The following TTLL1 variants were observed in gnomAD, a reference collection of about 807,000 sequenced individuals.
The protein encoded by TTLL1 is TTL family tubulin polyglutamylase complex subunit L1.
TTLL1 carries 33 observed loss-of-function variants against 47.8 expected under a neutral mutation model. The observed-to-expected ratio is 0.69, with a 90% CI of 0.52 to 0.92. The LOEUF is 0.92. Among genes scored for constraint, TTLL1 ranks in the 40% least tolerant of loss-of-function variants. The pLI is 0.00. For synonymous variants in TTLL1, 225 were observed against 214.1 expected (o/e 1.05, Z -0.45); for missense variants, 488 against 547.5 (o/e 0.89, Z 1.08).
Position 43,039,781 on chromosome 22 carries a change from T to C in TTLL1, c.1267A>G (p.Lys423Glu). The change falls in exon 11 of 11, where the codon AAG (lysine) becomes GAG (glutamate). Residue 423 changes from lysine (K) to glutamate (E), a missense_variant. Lys to Glu is a moderately conservative substitution (Grantham distance 56). Transcript: ENST00000266254. ...TGATAAGGTCCAGGTGGGACTCACTTCCAGGTGGTGAGGACCGCTCTCCCC... is the reference window on the plus strand; with the variant it reads ...TGATAAGGTCCAGGTGGGACTCACTCCCAGGTGGTGAGGACCGCTCTCCCC... ...DSGRAVLTTW[K>E] 6.2e-7 allele frequency: 1 copy of C among 1,610,918 alleles called. No individual in the cohort carries two copies. The highest frequency in any genetic ancestry group is 1.1e-5 in the South Asian group (1 of 90,906).
intron 10 of TTLL1, among the ~76,000 whole-genome samples, chr22:43,042,356 C>T (rs538319238): frequency 5.9e-5 from 9 of 152,344 alleles, no homozygotes; most frequent in Admixed American, 5.9e-4. Context: ...GTCTGGCCAC[C>T]TACCGAGCCA....
At chr22:43,081,515 C>T (rs2146993078) in intron 1 of TTLL1, among the ~76,000 whole-genome samples, 1 of 152,026 alleles carries the variant, frequency 6.6e-6, no homozygotes, top group South Asian at 2.1e-4. Context: ...CTCCAAAGAT[C>T]CCCACACACC....
Position 43,077,187 on chromosome 22 carries a change from G to A in TTLL1, c.-4-1597C>T, listed in dbSNP as rs1034866897. On this transcript the variant is annotated intron_variant, in intron 2 of 10. Transcript: ENST00000266254. ...AGGGCACTTAAACACACAGACCCCT[G>A]GCCCTCACCTGCTTCCCCAGGTACA... Among the ~76,000 whole-genome samples, 5 of 152,002 alleles carry A rather than the reference G, an allele frequency of 3.3e-5. 1 individual carries two copies. The highest frequency in any genetic ancestry group is 2.4e-5 in the African/African-American group (1 of 41,464).
chr22:43,078,299 C>T (rs1454840862), intron 2 of TTLL1, among the ~76,000 whole-genome samples: 3 of 151,476 alleles, frequency 2.0e-5, no homozygotes, highest in African/African-American at 7.3e-5. Context: ...AGTTCAAGAC[C>T]ACCCTGGCCA....
At chr22:43,086,302 C>A (rs1301223588) in intron 1 of TTLL1, among the ~76,000 whole-genome samples, 2 of 152,164 alleles carry the variant, frequency 1.3e-5, no homozygotes, top group Non-Finnish European at 1.5e-5. Flanking sequence ...ATGCAGCTCA[C>A]AATTGGAGTT....
intron 7 of TTLL1, among the ~76,000 whole-genome samples, chr22:43,063,238 GC>G: frequency 6.6e-6 from 1 of 152,066 alleles, no homozygotes; most frequent in Admixed American, 6.6e-5. Context: ...CTTGCCCGAG[GC>G]CACAGAACTA....
In TTLL1 at chr22:43,059,525, C is replaced by T. The variant is rs1132079; in HGVS notation, c.750G>A (p.Glu250=). Residue 250 remains glutamate (E), a splice_region_variant and synonymous_variant, in exon 8 of 11, where the codon GAG becomes GAA. Coordinates refer to ENST00000266254, the MANE Select transcript of TTLL1 (RefSeq NM_012263.5). ...TGCCCCCATGGATGTGGTTGTAGTC[C>T]TCCTGGTGACGGGAAAGCGGGCAGG... ...LTNVAIQKHG[E]DYNHIHGGKW... is the part of the protein sequence containing the mutation. 0.27 allele frequency: 431,515 copies of T among 1,611,020 alleles called. 61,703 individuals carry two copies. The highest frequency in any genetic ancestry group is 0.38 in the Middle Eastern group (2,283 of 6,054).
intron 4 of TTLL1, 45 bp from the exon 5 acceptor site, chr22:43,068,635 A>G: frequency 7.2e-7 from 1 of 1,383,114 alleles, no homozygotes. Flanking sequence ...CCAGCCCAAC[A>G]GTGGCCATGA....
intron 9 of TTLL1, 121 bp downstream of exon 9, chr22:43,051,680 T>A: frequency 1.1e-6 from 1 of 915,576 alleles, no homozygotes; most frequent in East Asian, 2.4e-5. Context: ...CGAACATCAG[T>A]CCCCTTCCTG....
At position 43,069,673 on chromosome 22, in the gene TTLL1, C is replaced by T. The variant is rs1268068147; in HGVS notation, c.285G>A (p.Leu95=). The part of the protein sequence containing the change: ...RKELEKEGSP[L]AEKDENGKYL... ...ATTTTCCATTTTCATCTTTTTCTGC[C>T]AGAGGACTCCCTTCTTTCTCCAGCT... Residue 95 remains leucine (L), a synonymous_variant, in exon 4 of 11, where the codon CTG becomes CTA. Transcript: ENST00000266254. The T allele has an allele frequency of 6.2e-7, 1 of 1,614,056 alleles. No homozygotes were observed. Among genetic ancestry groups the T allele is most frequent in the East Asian group, 2.2e-5 (1 of 44,900 alleles).
intron 5 of TTLL1, among the ~76,000 whole-genome samples, chr22:43,067,970 A>ATT (rs528981760): frequency 2.5e-3 from 328 of 129,624 alleles, no homozygotes; most frequent in African/African-American, 9.0e-3. Flanking sequence ...CACCTGGCTA[A>ATT]TTTTTTTTTT....
chr22:43,066,394 C>A (rs914132337), intron 5 of TTLL1, among the ~76,000 whole-genome samples: 1 of 151,766 alleles, frequency 6.6e-6, no homozygotes, highest in African/African-American at 2.4e-5. Flanking sequence ...AAATGCTCCT[C>A]GGGCCTGGCC....
intron 3 of TTLL1, among the ~76,000 whole-genome samples, chr22:43,073,716 A>AC (rs1228636846): frequency 6.7e-6 from 1 of 150,140 alleles, no homozygotes; most frequent in African/African-American, 2.5e-5. Flanking sequence ...CCACCCCCCC[A>AC]TACTGTTTAA....
At chr22:43,079,774 C>G (rs1314636104) in intron 2 of TTLL1, 128 bp downstream of exon 2, 1 of 152,312 alleles carries the variant, frequency 6.6e-6, no homozygotes, top group Non-Finnish European at 1.5e-5. Flanking sequence ...ACATCCTCAT[C>G]CACATTTCAC....
chr22:43,077,432 C>A (rs1277875804), intron 2 of TTLL1, among the ~76,000 whole-genome samples: 2 of 152,190 alleles, frequency 1.3e-5, no homozygotes, highest in Non-Finnish European at 2.9e-5. Flanking sequence ...GTGCTGTACC[C>A]CTCGGCAACC....
At chr22:43,046,913 C>G (rs2146960451) in intron 9 of TTLL1, among the ~76,000 whole-genome samples, 1 of 152,138 alleles carries the variant, frequency 6.6e-6, no homozygotes, top group African/African-American at 2.4e-5. Flanking sequence ...TCAGGTGATC[C>G]TCCCACCTCG....
At chr22:43,083,596 C>T (rs946239046) in intron 1 of TTLL1, among the ~76,000 whole-genome samples, 3 of 152,152 alleles carry the variant, frequency 2.0e-5, no homozygotes, top group South Asian at 2.1e-4. Context: ...GGTGTGGTGG[C>T]GCTTGCCTGT....
chr22:43,058,725 G>A (rs569665667), intron 8 of TTLL1, among the ~76,000 whole-genome samples: 3 of 150,938 alleles, frequency 2.0e-5, no homozygotes, highest in South Asian at 2.1e-4. Context: ...ACAGAGTTTC[G>A]CTCCTGTTGC....
At chr22:43,042,962 C>T (rs1429686509) in intron 10 of TTLL1, among the ~76,000 whole-genome samples, 1 of 132,374 alleles carries the variant, frequency 7.6e-6, no homozygotes, top group African/African-American at 3.0e-5. Context: ...TTTTTTGAGG[C>T]AGACTTTCGC....
Sources: allele counts gnomAD v4.1 joint callset (sites outside exome capture counted in the v4.1 genomes callset), GRCh38; gene constraint gnomAD v4.1.1; transcripts MANE v1.5; gene names NCBI Gene and HGNC (gene_info 2026-07-23, HGNC 2026-07-21).